The following TSNARE1 variants were observed in gnomAD, a reference collection of about 807,000 sequenced individuals.
TSNARE1 encodes the protein t-SNARE domain containing 1.
In TSNARE1, 49 loss-of-function variants were observed where a neutral mutation model predicts 62.0. The ratio of observed to expected loss-of-function variants is 0.79; its 90% confidence interval spans 0.63 to 1.00. The LOEUF is 1.00. TSNARE1 is among the 50% of genes least tolerant of loss of function. The probability of loss-of-function intolerance (pLI) is 0.00; values close to 1 mark genes in which losing one functional copy is unlikely to be tolerated. For missense variants in TSNARE1, 755 were observed against 700.1 expected (o/e 1.08, Z -0.88); for synonymous variants, 328 against 294.4 (o/e 1.11, Z -1.17).
intron 2 of TSNARE1, among the ~76,000 whole-genome samples, chr8:142,351,499 G>T (rs1045297945): frequency 6.6e-6 from 1 of 152,086 alleles, no homozygotes; most frequent in Non-Finnish European, 1.5e-5. Context: ...ATATAAAGAC[G>T]TGTGCTTGTT....
chr8:142,343,318 A>G (rs1832844714), intron 4 of TSNARE1, among the ~76,000 whole-genome samples: 1 of 152,138 alleles, frequency 6.6e-6, no homozygotes, highest in South Asian at 2.1e-4. Flanking sequence ...CCAGGTCAGA[A>G]AACCAGTTTA....
chr8:142,313,139 T>C (rs1827879090), intron 9 of TSNARE1, among the ~76,000 whole-genome samples: 1 of 151,966 alleles, frequency 6.6e-6, no homozygotes, highest in African/African-American at 2.4e-5. Context: ...TTTATCTGCA[T>C]GTGTGTCTGC....
intron 12 of TSNARE1, among the ~76,000 whole-genome samples, chr8:142,244,708 C>T (rs535231746): frequency 2.6e-5 from 4 of 152,344 alleles, no homozygotes; most frequent in East Asian, 1.9e-4. Context: ...CAGGTCTCAT[C>T]GTTCCATACG....
chr8:142,283,019 G>A (rs1586522360), intron 11 of TSNARE1, among the ~76,000 whole-genome samples: 1 of 149,344 alleles, frequency 6.7e-6, no homozygotes, highest in East Asian at 2.0e-4. Flanking sequence ...CAGAGGCGGG[G>A]TCAGTGTCTG....
intron 11 of TSNARE1, chr8:142,280,305 G>A: frequency 1.0e-6 from 1 of 985,360 alleles, no homozygotes; most frequent in Non-Finnish European, 1.2e-6. Flanking sequence ...GCTGGCAGAT[G>A]GCTTTGCTGC....
At chr8:142,274,113 G>A (rs1176409441) in intron 12 of TSNARE1, 1 of 985,396 alleles carries the variant, frequency 1.0e-6, no homozygotes, top group African/African-American at 1.7e-5. Flanking sequence ...CTGGCCCCTG[G>A]GACTCCTTGA....
At chr8:142,222,781 C>T (rs1432904921) in intron 13 of TSNARE1, among the ~76,000 whole-genome samples, 1 of 117,366 alleles carries the variant, frequency 8.5e-6, no homozygotes, top group Non-Finnish European at 2.0e-5. Flanking sequence ...CTCATCCACT[C>T]ACTCACTCAC....
At chr8:142,382,737 T>C (rs1836857896) in intron 1 of TSNARE1, among the ~76,000 whole-genome samples, 1 of 152,246 alleles carries the variant, frequency 6.6e-6, no homozygotes, top group African/African-American at 2.4e-5. Flanking sequence ...AGAGGCCAGC[T>C]TTCCAGGAGA....
intron 12 of TSNARE1, among the ~76,000 whole-genome samples, chr8:142,232,131 T>C (rs1407991759): frequency 1.3e-5 from 2 of 152,204 alleles, no homozygotes; most frequent in Non-Finnish European, 2.9e-5. Flanking sequence ...GCAGCAGCAG[T>C]TCCCGGCCTT....
In TSNARE1 at chr8:142,365,647, G is replaced by A. The variant is rs370238081; in HGVS notation, c.-39-10884C>T. ...ACACACACACACAGAGAGAGAGAGGGGAACAAAGAATAAACCAAATGAGGG... is the reference window on the plus strand; with the variant it reads ...ACACACACACACAGAGAGAGAGAGGAGAACAAAGAATAAACCAAATGAGGG... On this transcript the variant is annotated intron_variant, in intron 1 of 13. Coordinates refer to ENST00000524325, the MANE Select transcript of TSNARE1 (RefSeq NM_145003.5). 3.3e-4 allele frequency among the ~76,000 whole-genome samples: 50 copies of A among 150,692 alleles called. 3 individuals are homozygous for A. The highest frequency in any genetic ancestry group is 1.2e-3 in the African/African-American group (49 of 41,066).
intron 13 of TSNARE1, among the ~76,000 whole-genome samples, chr8:142,226,301 G>A (rs1816767010): frequency 6.6e-6 from 1 of 152,148 alleles, no homozygotes; most frequent in South Asian, 2.1e-4. Flanking sequence ...AGTGTGGCCG[G>A]GCACACGCAT....
At chr8:142,224,801 C>T (rs1374332671) in intron 13 of TSNARE1, among the ~76,000 whole-genome samples, 1 of 152,244 alleles carries the variant, frequency 6.6e-6, no homozygotes, top group African/African-American at 2.4e-5. Flanking sequence ...GTGTCCAGAC[C>T]AGGTGCCTGT....
In TSNARE1 at chr8:142,340,815, G is replaced by C. The variant is rs144438468; in HGVS notation, c.745+3151C>G. On this transcript the variant is annotated intron_variant, in intron 4 of 13. Transcript: ENST00000524325. Reference sequence around the variant, plus strand: ...ACATGACCCAGCCCACACGCAGGCAGGGCCTGCAGTCTGCTCGGACTTCAC... The same window carrying C: ...ACATGACCCAGCCCACACGCAGGCACGGCCTGCAGTCTGCTCGGACTTCAC... Among the ~76,000 whole-genome samples, 320 of 152,348 alleles carry C rather than the reference G, an allele frequency of 2.1e-3. 2 individuals carry two copies. Among genetic ancestry groups the C allele is most frequent in the South Asian group, 0.012 (59 of 4,824 alleles).
At chr8:142,264,611 T>G (rs996267390) in intron 12 of TSNARE1, among the ~76,000 whole-genome samples, 2 of 152,206 alleles carry the variant, frequency 1.3e-5, no homozygotes, top group Non-Finnish European at 2.9e-5. Flanking sequence ...GGTTTAGGAT[T>G]TTTCATCCTC....
intron 4 of TSNARE1, among the ~76,000 whole-genome samples, chr8:142,339,322 A>G (rs1246037356): frequency 2.0e-5 from 3 of 152,058 alleles, no homozygotes; most frequent in Non-Finnish European, 1.5e-5. Context: ...CTGGGCAGCT[A>G]CGTGATGTGT....
chr8:142,357,818 G>A (rs768065132), intron 1 of TSNARE1, among the ~76,000 whole-genome samples: 5 of 152,298 alleles, frequency 3.3e-5, no homozygotes, highest in South Asian at 2.1e-4. Context: ...AAGCCACCAC[G>A]GAGAGAGGAG....
intron 12 of TSNARE1, among the ~76,000 whole-genome samples, chr8:142,267,061 T>C (rs1235271675): frequency 6.6e-6 from 1 of 152,136 alleles, no homozygotes; most frequent in Admixed American, 6.5e-5. Context: ...TTTCATCTTT[T>C]TATTTTTAAA....
chr8:142,402,459 G>C (rs558631950), intron 1 of TSNARE1, among the ~76,000 whole-genome samples: 1 of 152,350 alleles, frequency 6.6e-6, no homozygotes, highest in South Asian at 2.1e-4. Context: ...TTCCAGAGCA[G>C]GAGGAGTGCG....
At chr8:142,352,198 T>C (rs561110261) in intron 2 of TSNARE1, among the ~76,000 whole-genome samples, 1 of 152,278 alleles carries the variant, frequency 6.6e-6, no homozygotes, top group Admixed American at 6.5e-5. Context: ...TGTGAACCCA[T>C]AAGCACAAGG....
Sources: gnomAD v4.1 joint callset for allele counts (sites outside exome capture counted in the v4.1 genomes callset) on GRCh38, gnomAD v4.1.1 for gene constraint, MANE v1.5 for transcripts, NCBI Gene and HGNC (gene_info 2026-07-23, HGNC 2026-07-21) for gene names.